DPP10: variants seen among roughly 807,000 people sequenced by gnomAD.
DPP10 encodes the protein inactive dipeptidyl peptidase 10.
Under a neutral mutation model 120.9 loss-of-function variants are expected in DPP10, and 33 were observed. The ratio of observed to expected loss-of-function variants is 0.27; its 90% CI spans 0.21 to 0.37. The LOEUF (loss-of-function observed/expected upper bound fraction) is 0.37, where lower values mean the gene tolerates loss of function less well. Among genes scored for constraint, DPP10 ranks in the 10% least tolerant of loss-of-function variants. The pLI is 1.00. For missense variants in DPP10, 816 were observed against 942.8 expected (o/e 0.87, Z 1.76); for synonymous variants, 337 against 326.1 (o/e 1.03, Z -0.36).
At chr2:114,649,228 A>T (rs1246507656) in intron 1 of DPP10, among the ~76,000 whole-genome samples, 1 of 152,246 alleles carries the variant, frequency 6.6e-6, no homozygotes, top group Non-Finnish European at 1.5e-5. Flanking sequence ...TCTATTAACC[A>T]GAAACAGTTC....
chr2:114,814,620 G>C (rs1007476283), intron 1 of DPP10, among the ~76,000 whole-genome samples: 1 of 151,830 alleles, frequency 6.6e-6, no homozygotes, highest in Non-Finnish European at 1.5e-5. Flanking sequence ...TAGTAGATAT[G>C]GTGGCTCTCG....
intron 1 of DPP10, among the ~76,000 whole-genome samples, chr2:115,158,181 A>G (rs1164564676): frequency 1.3e-5 from 2 of 152,324 alleles, no homozygotes; most frequent in East Asian, 3.9e-4. Context: ...TAAATACTGC[A>G]TAGATGACCT....
intron 1 of DPP10, among the ~76,000 whole-genome samples, chr2:115,096,733 C>T (rs536613157): frequency 5.9e-5 from 9 of 152,088 alleles, no homozygotes; most frequent in African/African-American, 2.2e-4. Flanking sequence ...ATATGTTGAA[C>T]CTTCCTAAGT....
intron 1 of DPP10, among the ~76,000 whole-genome samples, chr2:115,103,768 T>C (rs908044197): frequency 2.6e-5 from 4 of 152,218 alleles, no homozygotes; most frequent in Non-Finnish European, 5.9e-5. Context: ...GCCTGACTGA[T>C]AGCAAAAATT....
chr2:115,748,640 A>T (rs1678319934), intron 10 of DPP10, among the ~76,000 whole-genome samples: 1 of 151,980 alleles, frequency 6.6e-6, no homozygotes, highest in South Asian at 2.1e-4. Context: ...CTGATTGCTT[A>T]TTTGGATGAT....
Position 115,089,622 on chromosome 2 carries a change from G to A in DPP10, c.61-219617G>A, listed in dbSNP as rs182150600. ...CACCCTTCCCTATCCTGCTACTTGC[G>A]GATTCACTCATCTGTGCCTCATTGT... On this transcript the variant is annotated intron_variant, in intron 1 of 25. Coordinates refer to ENST00000410059, the MANE Select transcript of DPP10 (RefSeq NM_020868.6). Among the ~76,000 whole-genome samples, 133 of 152,104 alleles carry A rather than the reference G, an allele frequency of 8.7e-4. 1 individual carries two copies. Among genetic ancestry groups the A allele is most frequent in the African/African-American group, 3.0e-3 (123 of 41,480 alleles).
In DPP10 at chr2:114,948,883, A is replaced by C. The variant is rs570881906; in HGVS notation, c.61-360356A>C. 4.7e-4 allele frequency among the ~76,000 whole-genome samples: 71 copies of C among 152,124 alleles called. 1 individual carries two copies. The highest frequency in any genetic ancestry group is 1.6e-3 in the African/African-American group (68 of 41,496). Reference sequence around the variant, plus strand: ...AGGAGAAGCAAGCACCTCCTTCACAAGGCAGCAGAAGAGAGAGAACCAACA... The same window carrying C: ...AGGAGAAGCAAGCACCTCCTTCACACGGCAGCAGAAGAGAGAGAACCAACA... On this transcript the variant is annotated intron_variant, in intron 1 of 25. Transcript: ENST00000410059.
intron 3 of DPP10, among the ~76,000 whole-genome samples, chr2:115,435,527 A>G (rs2071416415): frequency 6.6e-6 from 1 of 151,758 alleles, no homozygotes; most frequent in East Asian, 1.9e-4. Context: ...GTCCTTTGCC[A>G]ATTTTTAATT....
At chr2:115,129,944 ATCTC>A (rs1007343709) in intron 1 of DPP10, among the ~76,000 whole-genome samples, 4 of 151,956 alleles carry the variant, frequency 2.6e-5, no homozygotes, top group Non-Finnish European at 4.4e-5. Flanking sequence ...GTATATAGAC[ATCTC>A]TCTCTCTCTT....
chr2:114,652,827 G>A (rs184268725), intron 1 of DPP10, among the ~76,000 whole-genome samples: 46 of 152,154 alleles, frequency 3.0e-4, no homozygotes, highest in Non-Finnish European at 5.0e-4. Context: ...TGGGGAGAGA[G>A]CATTATAGTT....
At chr2:115,385,953 G>A (rs888385515) in intron 3 of DPP10, among the ~76,000 whole-genome samples, 1 of 152,118 alleles carries the variant, frequency 6.6e-6, no homozygotes, top group Non-Finnish European at 1.5e-5. Flanking sequence ...GGACTGTAAT[G>A]ATATTCTATG....
At chr2:114,451,261 T>C (rs529340913) in intron 1 of DPP10, among the ~76,000 whole-genome samples, 1 of 152,228 alleles carries the variant, frequency 6.6e-6, no homozygotes, top group East Asian at 1.9e-4. Flanking sequence ...GGATGACCAG[T>C]GAGCACAGCA....
intron 1 of DPP10, among the ~76,000 whole-genome samples, chr2:115,232,778 T>C (rs541479837): frequency 6.6e-6 from 1 of 152,362 alleles, no homozygotes; most frequent in Admixed American, 6.5e-5. Context: ...TAAACATTAA[T>C]ATTTTCTGGT....
intron 1 of DPP10, among the ~76,000 whole-genome samples, chr2:115,208,907 A>G (rs990768263): frequency 6.6e-6 from 1 of 152,156 alleles, no homozygotes; most frequent in African/African-American, 2.4e-5. Flanking sequence ...TTTTACACCT[A>G]ATACTTGACC....
intron 1 of DPP10, among the ~76,000 whole-genome samples, chr2:114,593,415 A>G (rs1178820116): frequency 6.6e-6 from 1 of 152,076 alleles, no homozygotes; most frequent in Non-Finnish European, 1.5e-5. Context: ...GAGCTGTGAA[A>G]TAAGATGTAG....
At chr2:115,368,665 T>C (rs1210351748) in intron 3 of DPP10, among the ~76,000 whole-genome samples, 1 of 151,950 alleles carries the variant, frequency 6.6e-6, no homozygotes, top group Non-Finnish European at 1.5e-5. Flanking sequence ...AATTCCAGTT[T>C]TTTCACGATC....
chr2:115,764,664 A>G (rs1300758174), intron 12 of DPP10, among the ~76,000 whole-genome samples: 1 of 152,158 alleles, frequency 6.6e-6, no homozygotes, highest in African/African-American at 2.4e-5. Flanking sequence ...TCCCAAATTT[A>G]TGAATGTTTA....
At chr2:114,462,681 G>A (rs1679027625) in intron 1 of DPP10, among the ~76,000 whole-genome samples, 1 of 152,106 alleles carries the variant, frequency 6.6e-6, no homozygotes, top group Non-Finnish European at 1.5e-5. Flanking sequence ...TGTTTCAGGT[G>A]TCTCCACTAT....
intron 1 of DPP10, among the ~76,000 whole-genome samples, chr2:115,134,792 A>G (rs10169096): frequency 0.13 from 19,220 of 152,116 alleles, 1,387 homozygotes; most frequent in East Asian, 0.17. Flanking sequence ...TCGTTGTATT[A>G]TATTACGTTT....
Sources: gnomAD v4.1 joint callset for allele counts (sites outside exome capture counted in the v4.1 genomes callset) on GRCh38, gnomAD v4.1.1 for gene constraint, MANE v1.5 for transcripts, NCBI Gene and HGNC (gene_info 2026-07-23, HGNC 2026-07-21) for gene names.